Variants in SNED1 observed in about 807,000 individuals in gnomAD.
The protein encoded by SNED1 is sushi, nidogen and EGF like domains 1, also known as sushi, nidogen and EGF-like domain-containing protein 1.
A neutral mutation model predicts 166.7 loss-of-function variants in SNED1; 81 were observed. The observed-to-expected ratio is 0.49, with a 90% CI of 0.41 to 0.58. SNED1 has a LOEUF of 0.58. Ranked by LOEUF, SNED1 falls within the 20% of genes least tolerant of loss-of-function variation. SNED1 has a pLI of 0.00. For synonymous variants in SNED1, 762 were observed against 822.0 expected (o/e 0.93, Z 1.25); for missense variants, 1,604 against 2,000.2 (o/e 0.80, Z 3.78).
At chr2:241,022,113 A>G (rs2060792694) in intron 1 of SNED1, among the ~76,000 whole-genome samples, 1 of 152,194 alleles carries the variant, frequency 6.6e-6, no homozygotes, top group African/African-American at 2.4e-5. Flanking sequence ...AGTACTTTAT[A>G]TCTTCTAGAT....
At chr2:241,055,496 G>A (rs2062015369) in intron 16 of SNED1, among the ~76,000 whole-genome samples, 1 of 152,108 alleles carries the variant, frequency 6.6e-6, no homozygotes, top group African/African-American at 2.4e-5. Flanking sequence ...ATTTGGTTAG[G>A]GTGTAGACAG....
chr2:241,053,391 G>A (rs878975826), intron 16 of SNED1, 65 bp downstream of exon 16: 1 of 1,476,228 alleles, frequency 6.8e-7, no homozygotes, highest in Non-Finnish European at 9.1e-7. Context: ...TGGCCATGTG[G>A]AGGAGCACAG....
At chr2:240,998,603 C>G (rs560514283), upstream of SNED1, among the ~76,000 whole-genome samples, 5 of 152,046 alleles carry the variant, frequency 3.3e-5, no homozygotes, top group African/African-American at 1.2e-4. Flanking sequence ...AAATCGTGGC[C>G]CCAGGGGCGG....
chr2:241,034,612 C>A lies in SNED1; in HGVS notation c.687C>A (p.Pro229=), dbSNP rs781017878. The A allele has an allele frequency of 6.2e-7, 1 of 1,611,364 alleles. No individual in the cohort carries two copies. The highest frequency in any genetic ancestry group is 8.5e-7 in the Non-Finnish European group (1 of 1,179,108). The change falls in exon 4 of 32, where the codon CCC becomes CCA. Residue 229 remains proline, a synonymous_variant. Coordinates refer to ENST00000310397, the MANE Select transcript of SNED1 (RefSeq NM_001080437.3). ...ATGGGCAGCGTTACTTCAGTATCCCCGGCTCGCGCACAGCAGACATGGCCG... is the reference window on the plus strand; with the variant it reads ...ATGGGCAGCGTTACTTCAGTATCCCAGGCTCGCGCACAGCAGACATGGCCG... The part of the protein sequence containing the change: ...AGDGQRYFSI[P]GSRTADMAEV...
At chr2:241,071,258 G>A (rs985420924) in intron 24 of SNED1, 11 of 426,770 alleles carry the variant, frequency 2.6e-5, no homozygotes, top group South Asian at 7.0e-5. Context: ...GTCCGAGCCC[G>A]AGTGCCCAGC....
chr2:241,012,269 A>C (rs547485461), intron 1 of SNED1, among the ~76,000 whole-genome samples: 2 of 152,208 alleles, frequency 1.3e-5, no homozygotes, highest in African/African-American at 4.8e-5. Context: ...TGTCACTTCT[A>C]ACCCTTAGCT....
At position 241,036,945 on chromosome 2, in the gene SNED1, C is replaced by T. The variant is rs530498792; in HGVS notation, c.931+30C>T. 11 of 1,583,960 alleles carry T rather than the reference C, an allele frequency of 6.9e-6. No individual in the cohort carries two copies. In the African/African-American group the frequency reaches 1.1e-4, roughly 15 times the overall value. Reference sequence around the variant, plus strand: ...GTGACTGGCCCAGGGCGGGACCACCCGCTGGCTGCGCTGGGCTCAGGAGGA... The same window carrying T: ...GTGACTGGCCCAGGGCGGGACCACCTGCTGGCTGCGCTGGGCTCAGGAGGA... On this transcript the variant is annotated intron_variant, in intron 5 of 31. Coordinates refer to ENST00000310397, the MANE Select transcript of SNED1 (RefSeq NM_001080437.3).
At chr2:241,089,461 G>A in intron 31 of SNED1, 1 of 1,538,182 alleles carries the variant, frequency 6.5e-7, no homozygotes, top group Non-Finnish European at 8.8e-7. Flanking sequence ...ACCAAAGGAA[G>A]AGTGTCCACA....
chr2:241,088,440 T>C, intron 31 of SNED1, 38 bp downstream of exon 31: 3 of 1,566,900 alleles, frequency 1.9e-6, no homozygotes, highest in Non-Finnish European at 2.6e-6. Flanking sequence ...ACCACAGAGC[T>C]GCTGGGAAGT....
In SNED1 at chr2:240,999,154, C is replaced by A; in HGVS notation, c.213+104C>A. ...CCCGCCGCCGCCGCCAGCCACTTGG[C>A]ACCGGGGCGGCCCGAGGTGGAATGA... On this transcript the variant is annotated intron_variant, in intron 1 of 31. Transcript: ENST00000310397. This position sits in a 1 kb window ranked among gnomAD's most constrained non-coding sequence, Gnocchi z 5.8. The A allele has an allele frequency of 1.5e-6, 1 of 649,714 alleles. No individual in the cohort carries two copies. The highest frequency in any genetic ancestry group is 2.1e-6 in the Non-Finnish European group (1 of 470,736). The allele number at this position is 649,714 out of a possible 1,614,324, so 40.2% of individuals were successfully genotyped here.
chr2:241,067,445 G>C (rs2062503949), intron 21 of SNED1, among the ~76,000 whole-genome samples: 1 of 152,226 alleles, frequency 6.6e-6, no homozygotes, highest in Admixed American at 6.5e-5. Context: ...CTCATGTCCA[G>C]AGGGACTCCG....
chr2:241,007,433 G>A (rs1017186962), intron 1 of SNED1, among the ~76,000 whole-genome samples: 11 of 152,230 alleles, frequency 7.2e-5, no homozygotes, highest in Admixed American at 2.6e-4. Context: ...TTAAGGAGAC[G>A]GAAGAGCAGC....
intron 16 of SNED1, among the ~76,000 whole-genome samples, chr2:241,058,458 A>G (rs1232275543): frequency 6.6e-6 from 1 of 152,202 alleles, no homozygotes; most frequent in Non-Finnish European, 1.5e-5. Flanking sequence ...TTAATGAAGT[A>G]GAGATCCAAG....
chr2:241,074,838 C>G (rs1337158029), intron 27 of SNED1: 1 of 152,128 alleles, frequency 6.6e-6, no homozygotes, highest in Non-Finnish European at 1.5e-5. Flanking sequence ...TGAACGATAC[C>G]TTCTATCTTG....
intron 8 of SNED1, among the ~76,000 whole-genome samples, chr2:241,045,070 C>G (rs2061613402): frequency 6.6e-6 from 1 of 152,142 alleles, no homozygotes; most frequent in Non-Finnish European, 1.5e-5. Flanking sequence ...TAGCTCCTCT[C>G]AAATTGAAAG....
intron 12 of SNED1, among the ~76,000 whole-genome samples, chr2:241,050,868 C>T (rs1032058316): frequency 1.3e-5 from 2 of 152,212 alleles, no homozygotes; most frequent in African/African-American, 4.8e-5. Flanking sequence ...CTCACTAGAC[C>T]AGACTGCTGG....
chr2:241,064,190 G>GCTGCCCGCCCT lies in SNED1; in HGVS notation c.2599+75_2599+85dup. ...CCTGCTCCCCGCCCTCTGCCCGCCTGCTGCCCGCCCTCTGCCCGCCTGCTC... is the reference window on the plus strand; with the variant it reads ...CCTGCTCCCCGCCCTCTGCCCGCCTGCTGCCCGCCCTCTGCCCGCCCTCTGCCCGCCTGCTC... On this transcript the variant is annotated intron_variant, in intron 19 of 31. Transcript: ENST00000310397. This position sits in a 1 kb window ranked among gnomAD's most constrained non-coding sequence, Gnocchi z 7.0. The GCTGCCCGCCCT allele has an allele frequency of 1.7e-6, 2 of 1,153,904 alleles. No homozygotes were observed. Among genetic ancestry groups the GCTGCCCGCCCT allele is most frequent in the South Asian group, 1.5e-5 (1 of 67,786 alleles). 71.5% of individuals were successfully genotyped at this position (1,153,904 alleles called of 1,614,324 possible).
intron 1 of SNED1, among the ~76,000 whole-genome samples, chr2:241,016,177 T>A (rs116166587): frequency 0.01 from 1,493 of 146,516 alleles, 25 homozygotes; most frequent in African/African-American, 0.037. Flanking sequence ...AAGCCCACTC[T>A]GTCATGGTGG....
chr2:241,036,642 T>C lies in SNED1; in HGVS notation c.806-148T>C, dbSNP rs574041197. 47 of 1,051,036 alleles carry C rather than the reference T, an allele frequency of 4.5e-5. No homozygotes were observed. In the East Asian group the frequency reaches 1.0e-3, roughly 23 times the overall value. The allele number at this position is 1,051,036 out of a possible 1,614,324, so 65.1% of individuals were successfully genotyped here. The stretch of plus-strand genomic sequence containing the variant: ...CCCTGCTCCGACCTAAAGTGAAACC[T>C]GAAACCTGGCTGCTTTGCTGCGGTC... On this transcript the variant is annotated intron_variant, in intron 4 of 31. Coordinates refer to ENST00000310397, the MANE Select transcript of SNED1 (RefSeq NM_001080437.3).
Sources: allele counts gnomAD v4.1 joint callset (sites outside exome capture counted in the v4.1 genomes callset), GRCh38; gene constraint gnomAD v4.1.1; non-coding constraint Gnocchi (gnomAD v3.1); transcripts MANE v1.5; gene names NCBI Gene and HGNC (gene_info 2026-07-23, HGNC 2026-07-21).